Variants in GRB14 observed in about 807,000 individuals in gnomAD.
GRB14 encodes growth factor receptor-bound protein 14.
GRB14 carries 38 observed loss-of-function variants against 69.1 expected under a neutral mutation model. The ratio of observed to expected loss-of-function variants is 0.55; its 90% CI spans 0.42 to 0.72. The LOEUF (loss-of-function observed/expected upper bound fraction) is 0.72. Among genes scored for constraint, GRB14 ranks in the 30% least tolerant of loss-of-function variants. The probability of loss-of-function intolerance (pLI) is 0.00; values close to 1 mark genes in which losing one functional copy is unlikely to be tolerated. For synonymous variants in GRB14, 247 were observed against 241.3 expected, an observed-to-expected ratio of 1.02 and a Z score of -0.22; for missense variants, 666 against 666.1, an observed-to-expected ratio of 1.00 and a Z score of 0.00.
chr2:164,496,776 A>G (rs1261339991), intron 12 of GRB14, among the ~76,000 whole-genome samples: 1 of 152,160 alleles, frequency 6.6e-6, no homozygotes, highest in African/African-American at 2.4e-5. Context: ...TAAGAACAAG[A>G]TACTCTATTC....
intron 2 of GRB14, among the ~76,000 whole-genome samples, chr2:164,602,788 T>C (rs1250791188): frequency 6.6e-6 from 1 of 152,186 alleles, no homozygotes; most frequent in African/African-American, 2.4e-5. Flanking sequence ...AATAATGTAA[T>C]GTAATTGACC....
Position 164,621,073 on chromosome 2 carries a change from G to C in GRB14, c.191+46C>G. The C allele has an allele frequency of 1.6e-6, 2 of 1,242,586 alleles. No homozygotes were observed. The highest frequency in any genetic ancestry group is 1.0e-6 in the Non-Finnish European group (1 of 985,816). The allele number at this position is 1,242,586 out of a possible 1,614,324, so 77.0% of individuals were successfully genotyped here. ...AGGACCGCCTCCTCACCCCCTCGCC[G>C]GCTGCCCAGCCAGGACACTCCCCCG... is the stretch of plus-strand genomic sequence containing the variant. On this transcript the variant is annotated intron_variant, in intron 1 of 13. Coordinates refer to ENST00000263915, the MANE Select transcript of GRB14 (RefSeq NM_004490.3). The surrounding 1 kb of genome is among the most constrained non-coding windows in gnomAD (Gnocchi z 6.0).
At chr2:164,567,613 A>G (rs1689010250) in intron 2 of GRB14, among the ~76,000 whole-genome samples, 1 of 152,196 alleles carries the variant, frequency 6.6e-6, no homozygotes, top group Non-Finnish European at 1.5e-5. Context: ...GAGTTACAAG[A>G]AAAGTTTACT....
At chr2:164,499,302 C>T (rs993765770) in intron 9 of GRB14, among the ~76,000 whole-genome samples, 1 of 152,068 alleles carries the variant, frequency 6.6e-6, no homozygotes, top group African/African-American at 2.4e-5. Context: ...ACTTGACATA[C>T]ATAAGAAGAC....
chr2:164,507,763 G>GTTATAAT (rs1687231032), intron 8 of GRB14, among the ~76,000 whole-genome samples: 1 of 104,592 alleles, frequency 9.6e-6, no homozygotes, highest in Non-Finnish European at 1.9e-5. Flanking sequence ...TAGTTGATAA[G>GTTATAAT]TATACAGTTT....
intron 2 of GRB14, among the ~76,000 whole-genome samples, chr2:164,574,913 G>C (rs138352481): frequency 6.6e-6 from 1 of 151,526 alleles, no homozygotes; most frequent in East Asian, 1.9e-4. Context: ...CTGGGGAACA[G>C]AGGGAGACCC....
At chr2:164,605,410 G>A (rs529198738) in intron 2 of GRB14, among the ~76,000 whole-genome samples, 15 of 152,252 alleles carry the variant, frequency 9.9e-5, no homozygotes, top group African/African-American at 2.6e-4. Context: ...TCTATGGACC[G>A]TATAAATGAA....
At chr2:164,582,113 T>C (rs1689421112) in intron 2 of GRB14, among the ~76,000 whole-genome samples, 1 of 152,210 alleles carries the variant, frequency 6.6e-6, no homozygotes, top group Admixed American at 6.5e-5. Flanking sequence ...ATATATTTAA[T>C]TGGCTATTTG....
chr2:164,563,134 G>A (rs553614992), intron 2 of GRB14, among the ~76,000 whole-genome samples: 5 of 152,146 alleles, frequency 3.3e-5, no homozygotes, highest in African/African-American at 9.6e-5. Context: ...GGCCTTCCAC[G>A]ACCCTCTTCT....
In GRB14 at chr2:164,616,981, A is replaced by G. The variant is rs185936549; in HGVS notation, c.324+2706T>C. 5.9e-5 allele frequency among the ~76,000 whole-genome samples: 9 copies of G among 152,328 alleles called. No homozygotes were observed. The East Asian group carries it at 1.7e-3, about 29-fold the overall frequency. ...AAAGGGTAATATGTGTTGCAAAGCT[A>G]CTGAGTTGGGGGACTCACTTACATA... On this transcript the variant is annotated intron_variant, in intron 2 of 13. Transcript: ENST00000263915.
At chr2:164,553,051 C>T (rs747265884) in intron 2 of GRB14, among the ~76,000 whole-genome samples, 9 of 152,182 alleles carry the variant, frequency 5.9e-5, no homozygotes, top group Non-Finnish European at 1.0e-4. Context: ...GTTCTCTGCA[C>T]CTCCTGACTA....
intron 5 of GRB14, among the ~76,000 whole-genome samples, chr2:164,524,395 T>C (rs1033017523): frequency 1.3e-5 from 2 of 152,098 alleles, no homozygotes; most frequent in Non-Finnish European, 2.9e-5. Context: ...AAAATAACCA[T>C]TTCAAGCCAC....
At chr2:164,591,132 T>C (rs888651226) in intron 2 of GRB14, among the ~76,000 whole-genome samples, 2 of 152,172 alleles carry the variant, frequency 1.3e-5, no homozygotes, top group Non-Finnish European at 2.9e-5. Flanking sequence ...AATAGATAAA[T>C]TGGCAGTTAG....
intron 2 of GRB14, among the ~76,000 whole-genome samples, chr2:164,572,772 T>C (rs1689154166): frequency 6.6e-6 from 1 of 152,152 alleles, no homozygotes; most frequent in Admixed American, 6.5e-5. Context: ...ACCATCTCAG[T>C]GTCTATCTGA....
chr2:164,583,072 T>C (rs2105339539), intron 2 of GRB14, among the ~76,000 whole-genome samples: 1 of 152,322 alleles, frequency 6.6e-6, no homozygotes, highest in Non-Finnish European at 1.5e-5. Context: ...ATTCTTTTAC[T>C]ATGCTTCTGA....
chr2:164,504,394 A>G (rs1418023734), intron 8 of GRB14, among the ~76,000 whole-genome samples: 1 of 152,186 alleles, frequency 6.6e-6, no homozygotes, highest in African/African-American at 2.4e-5. Flanking sequence ...CACTTCTACC[A>G]TCAGGTGATC....
At position 164,565,729 on chromosome 2, in the gene GRB14, A is replaced by G. The variant is rs573498112; in HGVS notation, c.325-17913T>C. Among the ~76,000 whole-genome samples, 20 of 152,336 alleles carry G rather than the reference A, an allele frequency of 1.3e-4. 2 individuals are homozygous for G. The highest frequency in any genetic ancestry group is 4.6e-4 in the African/African-American group (19 of 41,584). On this transcript the variant is annotated intron_variant, in intron 2 of 13. Coordinates refer to ENST00000263915, the MANE Select transcript of GRB14 (RefSeq NM_004490.3). ...GAGGAACGTTCTTCACCAGAACCTT[A>G]ATTCACTTAAATCAGAGAAATCAGA...
intron 2 of GRB14, among the ~76,000 whole-genome samples, chr2:164,557,826 C>A (rs1321463834): frequency 6.6e-6 from 1 of 152,152 alleles, no homozygotes; most frequent in African/African-American, 2.4e-5. Flanking sequence ...TCATGCCTGG[C>A]TAAAGAGATT....
intron 2 of GRB14, among the ~76,000 whole-genome samples, chr2:164,579,833 C>G (rs1185946592): frequency 1.3e-5 from 2 of 152,002 alleles, no homozygotes; most frequent in Non-Finnish European, 2.9e-5. Context: ...ATCTTGATCT[C>G]TAGGAAGGAA....
Sources: gnomAD v4.1 joint callset for allele counts (sites outside exome capture counted in the v4.1 genomes callset) on GRCh38, gnomAD v4.1.1 for gene constraint, Gnocchi (gnomAD v3.1) non-coding constraint, MANE v1.5 for transcripts, NCBI Gene and HGNC (gene_info 2026-07-23, HGNC 2026-07-21) for gene names.